The following PTBP3 variants were observed in gnomAD, a reference collection of about 807,000 sequenced individuals.
PTBP3 encodes the protein polypyrimidine tract binding protein 3.
PTBP3 carries 20 observed loss-of-function variants against 58.7 expected under a neutral mutation model. That is an observed-to-expected ratio of 0.34 (90% CI 0.24 to 0.50). PTBP3 has a LOEUF of 0.50. PTBP3 is among the 20% of genes least tolerant of loss of function. The pLI is 0.98. For synonymous variants in PTBP3, 185 were observed against 219.8 expected, an observed-to-expected ratio of 0.84 and a Z score of 1.40; for missense variants, 509 against 637.2, an observed-to-expected ratio of 0.80 and a Z score of 2.17.
chr9:112,322,166 T>C (rs1055204057), intron 1 of PTBP3, among the ~76,000 whole-genome samples: 2 of 145,502 alleles, frequency 1.4e-5, no homozygotes, highest in African/African-American at 5.1e-5. Context: ...AGAAAGGCCC[T>C]TTCCAGTCTC....
chr9:112,371,395 A>G, the PTBP3 span, among the ~76,000 whole-genome samples: 1 of 152,182 alleles, frequency 6.6e-6, no homozygotes, highest in Non-Finnish European at 1.5e-5. Context: ...GATTGCTCCT[A>G]CTAATTGCAC....
At chr9:112,303,269 C>T (rs1829029006) in intron 1 of PTBP3, among the ~76,000 whole-genome samples, 1 of 152,200 alleles carries the variant, frequency 6.6e-6, no homozygotes. Flanking sequence ...GCACCACATC[C>T]TTGAGAATTT....
At chr9:112,264,225 A>C (rs1836710373) in intron 4 of PTBP3, among the ~76,000 whole-genome samples, 1 of 152,212 alleles carries the variant, frequency 6.6e-6, no homozygotes, top group African/African-American at 2.4e-5. Flanking sequence ...GAGAAGAAGA[A>C]AATTAACATA....
intron 2 of PTBP3, among the ~76,000 whole-genome samples, chr9:112,283,168 T>C (rs1157916044): frequency 6.6e-6 from 1 of 152,218 alleles, no homozygotes; most frequent in African/African-American, 2.4e-5. Context: ...AACAGACTAA[T>C]ACAGTAAATT....
At chr9:112,289,593 G>A (rs2132273382) in intron 2 of PTBP3, among the ~76,000 whole-genome samples, 1 of 152,126 alleles carries the variant, frequency 6.6e-6, no homozygotes, top group East Asian at 1.9e-4. Flanking sequence ...CCATCCTGGG[G>A]AACACAGGGA....
chr9:112,301,592 G>A (rs1381925018), intron 1 of PTBP3, among the ~76,000 whole-genome samples: 1 of 152,238 alleles, frequency 6.6e-6, no homozygotes, highest in South Asian at 2.1e-4. Flanking sequence ...GTTGCCAGGA[G>A]ATAGAGATGG....
At position 112,296,270 on chromosome 9, in the gene PTBP3, A is replaced by G. The variant is rs561591858; in HGVS notation, c.34+1562T>C. Among the ~76,000 whole-genome samples the G allele has an allele frequency of 2.0e-5, 3 of 152,278 alleles. No individual in the cohort carries two copies. The South Asian group carries it at 6.2e-4, about 32-fold the overall frequency. On this transcript the variant is annotated intron_variant, in intron 2 of 13. Transcript: ENST00000374257. ...ATCAGATGTTAACTTTTTAATAACA[A>G]CACCTAAATAGAATGACTGTTAAGT...
intron 2 of PTBP3, among the ~76,000 whole-genome samples, chr9:112,290,701 T>TACACACACACACACAC (rs1376874308): frequency 1.2e-3 from 78 of 64,796 alleles, no homozygotes; most frequent in East Asian, 5.4e-3. Context: ...TATATATATA[T>TACACACACACACACAC]ATATATACAC....
chr9:112,364,174 G>GTTT, the PTBP3 span, among the ~76,000 whole-genome samples: 3 of 79,842 alleles, frequency 3.8e-5, no homozygotes, highest in African/African-American at 1.5e-4. Context: ...TGCTAGGTCA[G>GTTT]TTCTTTTTTT....
chr9:112,321,629 C>T (rs1226764184), intron 1 of PTBP3, among the ~76,000 whole-genome samples: 1 of 152,118 alleles, frequency 6.6e-6, no homozygotes, highest in African/African-American at 2.4e-5. Flanking sequence ...CAAATCACCA[C>T]ATCAAAATCT....
At chr9:112,279,138 T>C (rs1459506020) in intron 2 of PTBP3, among the ~76,000 whole-genome samples, 2 of 152,148 alleles carry the variant, frequency 1.3e-5, no homozygotes, top group Non-Finnish European at 2.9e-5. Flanking sequence ...GAAGAATGTA[T>C]ACCATTACAA....
At position 112,331,629 on chromosome 9, in the gene PTBP3, G is replaced by GT. The variant is rs571030017; in HGVS notation, c.-52+1840dup. On this transcript the variant is annotated intron_variant, in intron 1 of 13. Coordinates refer to ENST00000374257, the MANE Select transcript of PTBP3 (RefSeq NM_001163788.4). ...CTTGCTGCATAAAAAATAAAATGGT[G>GT]TAACACTATGGTTATTGGTTCTGAT... Among the ~76,000 whole-genome samples, 9 of 152,342 alleles carry GT rather than the reference G, an allele frequency of 5.9e-5. No homozygotes were observed. The South Asian group carries it at 1.9e-3, about 32-fold the overall frequency.
intron 4 of PTBP3, 65 bp from the exon 5 acceptor site, chr9:112,262,664 A>C (rs572858819): frequency 5.0e-6 from 7 of 1,409,528 alleles, no homozygotes; most frequent in Middle Eastern, 1.9e-4. Flanking sequence ...CCTAAAATTT[A>C]GTTGACATAA....
chr9:112,304,311 T>C (rs1422241370), intron 1 of PTBP3, among the ~76,000 whole-genome samples: 2 of 152,240 alleles, frequency 1.3e-5, no homozygotes, highest in Non-Finnish European at 2.9e-5. Context: ...GAATTTTTCC[T>C]GTGAACACTG....
At chr9:112,290,686 AAATATATATATAT>A (rs1159724626) in intron 2 of PTBP3, among the ~76,000 whole-genome samples, 4 of 59,874 alleles carry the variant, frequency 6.7e-5, no homozygotes, top group African/African-American at 4.0e-4. Flanking sequence ...AAAAAAAAAA[AAATATATATATAT>A]ATATATATAC....
chr9:112,296,141 C>A (rs1007375521), intron 2 of PTBP3, among the ~76,000 whole-genome samples: 3 of 152,068 alleles, frequency 2.0e-5, no homozygotes, highest in African/African-American at 7.2e-5. Flanking sequence ...CCCCTGAATT[C>A]GATGAAATAA....
intron 8 of PTBP3, 78 bp downstream of exon 8, chr9:112,234,742 C>T: frequency 7.5e-7 from 1 of 1,334,434 alleles, no homozygotes; most frequent in South Asian, 1.2e-5. Flanking sequence ...AATATGATAA[C>T]ATTCTTCATC....
intron 1 of PTBP3, among the ~76,000 whole-genome samples, chr9:112,301,980 C>CA (rs1372164870): frequency 6.6e-6 from 1 of 152,156 alleles, no homozygotes; most frequent in Non-Finnish European, 1.5e-5. Flanking sequence ...CTGCTGTCTT[C>CA]ACTAACAGTC....
intron 1 of PTBP3, among the ~76,000 whole-genome samples, chr9:112,329,993 G>A (rs796425468): frequency 3.4e-4 from 51 of 151,850 alleles, no homozygotes; most frequent in African/African-American, 1.1e-3. Flanking sequence ...CTACAGGCAC[G>A]CACCACCATG....
Sources: gnomAD v4.1 joint callset for allele counts (sites outside exome capture counted in the v4.1 genomes callset) on GRCh38, gnomAD v4.1.1 for gene constraint, MANE v1.5 for transcripts, NCBI Gene and HGNC (gene_info 2026-07-23, HGNC 2026-07-21) for gene names.